ANKRD44: variants seen among roughly 807,000 people sequenced by gnomAD.
ANKRD44 encodes the protein serine/threonine-protein phosphatase 6 regulatory ankyrin repeat subunit B.
In ANKRD44, 35 loss-of-function variants were observed where a neutral mutation model predicts 116.0. The ratio of observed to expected loss-of-function variants is 0.30; its 90% confidence interval spans 0.23 to 0.40. The LOEUF is 0.40. ANKRD44 is among the 10% of genes least tolerant of loss of function. The pLI is 1.00. For synonymous variants in ANKRD44, 435 were observed against 461.8 expected (o/e 0.94, Z 0.74); for missense variants, 1,014 against 1,242.6 (o/e 0.82, Z 2.77).
chr2:197,305,972 T>TAG, intron 1 of ANKRD44, among the ~76,000 whole-genome samples: 1 of 140,710 alleles, frequency 7.1e-6, no homozygotes, highest in Middle Eastern at 3.7e-3. Flanking sequence ...TCGTTTTATA[T>TAG]ATATATATAT....
At chr2:197,246,322 G>T (rs1019917728) in intron 1 of ANKRD44, among the ~76,000 whole-genome samples, 5 of 132,288 alleles carry the variant, frequency 3.8e-5, no homozygotes, top group Middle Eastern at 4.4e-3. Context: ...ATGTAGCTAG[G>T]ACTACAAGTA....
chr2:197,181,838 A>C (rs2080514115), intron 2 of ANKRD44, among the ~76,000 whole-genome samples: 1 of 152,200 alleles, frequency 6.6e-6, no homozygotes, highest in Non-Finnish European at 1.5e-5. Flanking sequence ...ACATAATGAC[A>C]AGCCTAGTCT....
At chr2:197,244,489 A>G (rs987406384) in intron 1 of ANKRD44, among the ~76,000 whole-genome samples, 1 of 152,208 alleles carries the variant, frequency 6.6e-6, no homozygotes, top group African/African-American at 2.4e-5. Flanking sequence ...AGTGTTCCTA[A>G]TATTATTTGC....
chr2:197,008,923 G>A, intron 19 of ANKRD44, 21 bp downstream of exon 19: 1 of 1,611,656 alleles, frequency 6.2e-7, no homozygotes, highest in Non-Finnish European at 8.5e-7. Flanking sequence ...TCAACCCAAG[G>A]CCACGTGTGA....
chr2:196,984,453 T>C (rs1036729752), downstream of ANKRD44, among the ~76,000 whole-genome samples: 2 of 152,258 alleles, frequency 1.3e-5, no homozygotes, highest in Admixed American at 6.5e-5. Flanking sequence ...ACAATTCATA[T>C]AGTACTTTTA....
At chr2:196,974,912 C>T (rs1044869112) in intron 21 of ANKRD44, among the ~76,000 whole-genome samples, 8 of 148,926 alleles carry the variant, frequency 5.4e-5, no homozygotes, top group South Asian at 2.1e-4. Context: ...AAAAAGAAAA[C>T]GAAGAGTAAA....
intron 16 of ANKRD44, among the ~76,000 whole-genome samples, chr2:197,036,022 G>A (rs151074688): frequency 3.4e-3 from 524 of 152,204 alleles, no homozygotes; most frequent in Non-Finnish European, 5.8e-3. Context: ...ATTCCAAGGT[G>A]GCATATCTGT....
At chr2:196,994,141 A>G (rs547652867) in intron 26 of ANKRD44, among the ~76,000 whole-genome samples, 212 of 152,306 alleles carry the variant, frequency 1.4e-3, no homozygotes, top group African/African-American at 4.4e-3. Flanking sequence ...ACCTTAAAGA[A>G]TTATGTCAAA....
intron 2 of ANKRD44, among the ~76,000 whole-genome samples, chr2:197,176,966 G>C (rs143354374): frequency 6.6e-6 from 1 of 152,016 alleles, no homozygotes; most frequent in Non-Finnish European, 1.5e-5. Flanking sequence ...CAGTTGGAAG[G>C]CCCTCTGGCT....
chr2:197,161,090 C>T (rs1011946689), intron 2 of ANKRD44, among the ~76,000 whole-genome samples: 2 of 152,078 alleles, frequency 1.3e-5, no homozygotes, highest in East Asian at 3.9e-4. Context: ...GACAGAAAAC[C>T]GAACACACTA....
intron 16 of ANKRD44, 102 bp downstream of exon 16, chr2:197,078,601 C>T: frequency 2.6e-6 from 4 of 1,537,482 alleles, no homozygotes; most frequent in Admixed American, 2.0e-5. Flanking sequence ...CCACTTTTTA[C>T]ACAAGCCAGA....
chr2:197,282,267 A>G (rs1250932898), intron 1 of ANKRD44, among the ~76,000 whole-genome samples: 1 of 151,896 alleles, frequency 6.6e-6, no homozygotes, highest in African/African-American at 2.4e-5. Flanking sequence ...AAATATATAT[A>G]TATAGTAACT....
At chr2:197,277,183 T>C (rs895115687) in intron 1 of ANKRD44, among the ~76,000 whole-genome samples, 1 of 151,908 alleles carries the variant, frequency 6.6e-6, no homozygotes, top group Non-Finnish European at 1.5e-5. Context: ...CACCTCGGCC[T>C]CCCAAAGGAA....
At chr2:196,993,965 T>C (rs1159909706) in intron 26 of ANKRD44, among the ~76,000 whole-genome samples, 2 of 152,212 alleles carry the variant, frequency 1.3e-5, no homozygotes, top group Admixed American at 1.3e-4. Flanking sequence ...AGCTTTGTTG[T>C]GTTTTGCAGA....
intron 16 of ANKRD44, among the ~76,000 whole-genome samples, chr2:197,070,571 G>A (rs1479977117): frequency 1.3e-5 from 2 of 152,138 alleles, no homozygotes; most frequent in Non-Finnish European, 2.9e-5. Flanking sequence ...TATTGAAACA[G>A]GCTTGCATCC....
chr2:197,199,806 T>C (rs2081052551), intron 1 of ANKRD44, among the ~76,000 whole-genome samples: 1 of 152,204 alleles, frequency 6.6e-6, no homozygotes, highest in Admixed American at 6.5e-5. Flanking sequence ...CCCAGGTCGA[T>C]AGCTACAGGA....
intron 9 of ANKRD44, among the ~76,000 whole-genome samples, chr2:197,102,328 T>A (rs1266880161): frequency 6.6e-6 from 1 of 152,236 alleles, no homozygotes; most frequent in Non-Finnish European, 1.5e-5. Flanking sequence ...CAAGGTAAAT[T>A]TTCAGAAGGG....
chr2:197,192,128 T>C (rs2080838749), intron 1 of ANKRD44, among the ~76,000 whole-genome samples: 1 of 152,198 alleles, frequency 6.6e-6, no homozygotes, highest in African/African-American at 2.4e-5. Flanking sequence ...AACCACCATT[T>C]TGATTTTTGC....
At chr2:197,098,571 T>C (rs2078216230) in intron 10 of ANKRD44, among the ~76,000 whole-genome samples, 1 of 152,250 alleles carries the variant, frequency 6.6e-6, no homozygotes, top group Non-Finnish European at 1.5e-5. Context: ...AGGCCCTCTT[T>C]AATTTAGTTC....
Sources: gnomAD v4.1 joint callset for allele counts (sites outside exome capture counted in the v4.1 genomes callset) on GRCh38, gnomAD v4.1.1 for gene constraint, MANE v1.5 for transcripts, NCBI Gene and HGNC (gene_info 2026-07-23, HGNC 2026-07-21) for gene names.